The following SLC35F1 variants were observed in gnomAD, a reference collection of about 807,000 sequenced individuals.
SLC35F1 encodes the protein chromosome 6 open reading frame 169.
A neutral mutation model predicts 48.7 loss-of-function variants in SLC35F1; 14 were observed. The observed-to-expected ratio is 0.29, with a 90% CI of 0.19 to 0.45. The LOEUF is 0.45. Ranked by LOEUF, SLC35F1 falls within the 20% of genes least tolerant of loss-of-function variation. SLC35F1 has a pLI of 1.00. For missense variants in SLC35F1, 404 were observed against 500.0 expected, an observed-to-expected ratio of 0.81 and a Z score of 1.83; for synonymous variants, 190 against 202.2, an observed-to-expected ratio of 0.94 and a Z score of 0.51.
At chr6:118,102,050 G>A (rs1156563177) in intron 1 of SLC35F1, among the ~76,000 whole-genome samples, 2 of 152,146 alleles carry the variant, frequency 1.3e-5, no homozygotes, top group Admixed American at 6.5e-5. Context: ...CTAACCACAG[G>A]GCTGGGAGAG....
In SLC35F1 at chr6:117,953,378, G is replaced by C. The variant is rs188447186; in HGVS notation, c.173+45479G>C. Among the ~76,000 whole-genome samples, 381 of 151,810 alleles carry C rather than the reference G, an allele frequency of 2.5e-3. 1 individual carries two copies. Among genetic ancestry groups the C allele is most frequent in the Non-Finnish European group, 2.9e-3 (200 of 67,928 alleles). On this transcript the variant is annotated intron_variant, in intron 1 of 7. Coordinates refer to ENST00000360388, the MANE Select transcript of SLC35F1 (RefSeq NM_001029858.4). ...TTTTATTGAATTTTTTTCTAAATAT[G>C]GCTTTGTACACATATATATCGACAT...
At chr6:118,129,513 C>G (rs534256599) in intron 1 of SLC35F1, among the ~76,000 whole-genome samples, 1 of 152,106 alleles carries the variant, frequency 6.6e-6, no homozygotes, top group East Asian at 1.9e-4. Context: ...TGAAGGGGGA[C>G]CCTGATGGGA....
At chr6:118,251,565 G>A (rs1358368690) in intron 3 of SLC35F1, among the ~76,000 whole-genome samples, 2 of 152,068 alleles carry the variant, frequency 1.3e-5, no homozygotes, top group Non-Finnish European at 2.9e-5. Context: ...ATGAGTTTGG[G>A]CTTAATTCTG....
intron 3 of SLC35F1, among the ~76,000 whole-genome samples, chr6:118,240,446 A>G (rs1374703150): frequency 6.6e-6 from 1 of 152,260 alleles, no homozygotes. Context: ...TTTTCATCTG[A>G]TTAATACAGT....
At chr6:118,064,295 G>A (rs1304917924) in intron 1 of SLC35F1, among the ~76,000 whole-genome samples, 1 of 152,136 alleles carries the variant, frequency 6.6e-6, no homozygotes, top group African/African-American at 2.4e-5. Flanking sequence ...ATTTGGGTGG[G>A]GACACAGCCA....
intron 1 of SLC35F1, among the ~76,000 whole-genome samples, chr6:117,912,769 T>A (rs1582557614): frequency 6.6e-6 from 1 of 152,212 alleles, no homozygotes; most frequent in East Asian, 1.9e-4. Flanking sequence ...ATACTTGTAT[T>A]TATGCCCAGT....
intron 1 of SLC35F1, among the ~76,000 whole-genome samples, chr6:118,053,282 G>A (rs1772416602): frequency 1.3e-5 from 2 of 152,222 alleles, no homozygotes; most frequent in South Asian, 4.1e-4. Context: ...AAGAAGACTA[G>A]AAATCTGGAT....
At chr6:118,007,655 T>G (rs991236772) in intron 1 of SLC35F1, among the ~76,000 whole-genome samples, 3 of 152,172 alleles carry the variant, frequency 2.0e-5, no homozygotes, top group Non-Finnish European at 4.4e-5. Flanking sequence ...TTATTAGAAT[T>G]TTTTTGCTGT....
intron 1 of SLC35F1, among the ~76,000 whole-genome samples, chr6:117,923,794 C>CATATATACATATACACATACATATGTGT (rs1775974840): frequency 2.0e-5 from 2 of 99,338 alleles, no homozygotes. Flanking sequence ...CATATATGTA[C>CATATATACATATACACATACATATGTGT]ATATATACAT....
chr6:118,311,566 G>A (rs1333951106), intron 7 of SLC35F1, among the ~76,000 whole-genome samples: 2 of 152,198 alleles, frequency 1.3e-5, no homozygotes, highest in Non-Finnish European at 2.9e-5. Flanking sequence ...AAGGCAGGTG[G>A]ATGGCTTAAG....
At position 118,203,995 on chromosome 6, in the gene SLC35F1, A is replaced by T. The variant is rs114612873; in HGVS notation, c.350-31514A>T. 4.8e-3 allele frequency among the ~76,000 whole-genome samples: 733 copies of T among 152,166 alleles called. 4 individuals are homozygous for T. The highest frequency in any genetic ancestry group is 0.017 in the African/African-American group (695 of 41,496). On this transcript the variant is annotated intron_variant, in intron 2 of 7. Coordinates refer to ENST00000360388, the MANE Select transcript of SLC35F1 (RefSeq NM_001029858.4). The stretch of plus-strand genomic sequence containing the variant: ...AGCAAGAAAATTGCTAATAGTAATA[A>T]ATGCCGTAAAGGAAATAAACTAGGA...
chr6:118,085,904 T>C (rs943795308), intron 1 of SLC35F1, among the ~76,000 whole-genome samples: 7 of 152,122 alleles, frequency 4.6e-5, no homozygotes, highest in African/African-American at 1.7e-4. Context: ...TTTTTCATAG[T>C]GGTTCTATGC....
At chr6:117,946,315 G>A (rs536278972) in intron 1 of SLC35F1, among the ~76,000 whole-genome samples, 1 of 152,184 alleles carries the variant, frequency 6.6e-6, no homozygotes, top group East Asian at 1.9e-4. Flanking sequence ...GATTATGAAA[G>A]CAATCTGCAA....
chr6:118,285,302 C>T lies in SLC35F1; in HGVS notation c.966C>T (p.Tyr322=), dbSNP rs772440276. The T allele has an allele frequency of 6.8e-6, 11 of 1,613,882 alleles. No individual in the cohort carries two copies. In the South Asian group the frequency reaches 1.2e-4, roughly 18 times the overall value. Residue 322 remains tyrosine, a synonymous_variant, in exon 7 of 8, where the codon TAC becomes TAT. Coordinates refer to ENST00000360388, the MANE Select transcript of SLC35F1 (RefSeq NM_001029858.4). ...VNLSLLTADL[Y]SLFCGLFLFH... is the part of the protein sequence containing the mutation. ...TCTCCTTGCTCACAGCAGACTTGTA[C>T]AGCCTGTTCTGTGGATTGTTTCTCT... is the stretch of plus-strand genomic sequence containing the variant.
chr6:117,921,960 A>G (rs768998086), intron 1 of SLC35F1, among the ~76,000 whole-genome samples: 1 of 152,212 alleles, frequency 6.6e-6, no homozygotes, highest in Non-Finnish European at 1.5e-5. Context: ...GTGAATTAAG[A>G]CAACAACAAA....
chr6:118,143,595 G>C (rs1043787678), intron 1 of SLC35F1, among the ~76,000 whole-genome samples: 2 of 152,100 alleles, frequency 1.3e-5, no homozygotes, highest in African/African-American at 4.8e-5. Context: ...GTCAGAACTT[G>C]GGGAAAGAAT....
intron 3 of SLC35F1, among the ~76,000 whole-genome samples, chr6:118,241,014 A>G (rs1012842365): frequency 1.3e-5 from 2 of 152,216 alleles, no homozygotes; most frequent in Non-Finnish European, 2.9e-5. Context: ...TTGAGTTTCA[A>G]AGACCATTGT....
intron 2 of SLC35F1, among the ~76,000 whole-genome samples, chr6:118,157,809 C>G (rs553627864): frequency 6.6e-6 from 1 of 152,328 alleles, no homozygotes; most frequent in African/African-American, 2.4e-5. Context: ...GAGGGTGGGT[C>G]TGAGTCTCCC....
At chr6:118,062,148 T>C (rs1772550503) in intron 1 of SLC35F1, among the ~76,000 whole-genome samples, 1 of 152,192 alleles carries the variant, frequency 6.6e-6, no homozygotes, top group Non-Finnish European at 1.5e-5. Flanking sequence ...TACCAATTTG[T>C]CTGCAGAATC....
Sources: allele counts gnomAD v4.1 joint callset (sites outside exome capture counted in the v4.1 genomes callset), GRCh38; gene constraint gnomAD v4.1.1; transcripts MANE v1.5; gene names NCBI Gene and HGNC (gene_info 2026-07-23, HGNC 2026-07-21).